The following ADAMTSL1 variants were observed in gnomAD, a reference collection of about 807,000 sequenced individuals.
ADAMTSL1 encodes ADAMTS-like protein 1.
In ADAMTSL1, 126 loss-of-function variants were observed where a neutral mutation model predicts 201.8. That is an observed-to-expected ratio of 0.62 (90% CI 0.54 to 0.72). The LOEUF (loss-of-function observed/expected upper bound fraction) is 0.72, where lower values mean the gene tolerates loss of function less well. Ranked by LOEUF, ADAMTSL1 falls within the 30% of genes least tolerant of loss-of-function variation. ADAMTSL1 has a pLI of 0.00. For missense variants in ADAMTSL1, 2,679 were observed against 2,277.8 expected, an observed-to-expected ratio of 1.18 and a Z score of -3.59; for synonymous variants, 1,121 against 903.4, an observed-to-expected ratio of 1.24 and a Z score of -4.32.
chr9:18,080,784 T>A (rs1823464990), intron 1 of ADAMTSL1, among the ~76,000 whole-genome samples: 1 of 152,250 alleles, frequency 6.6e-6, no homozygotes, highest in Non-Finnish European at 1.5e-5. Flanking sequence ...ATTTTCTGGT[T>A]CTAAGTCATT....
intron 23 of ADAMTSL1, among the ~76,000 whole-genome samples, chr9:18,867,738 C>T (rs1185132954): frequency 3.9e-5 from 6 of 151,980 alleles, no homozygotes; most frequent in Admixed American, 1.3e-4. Flanking sequence ...GCAATTCTCC[C>T]GCCTCAGCCT....
In ADAMTSL1 at chr9:18,252,946, C is replaced by T. The variant is rs78945091; in HGVS notation, c.207+88965C>T. On this transcript the variant is annotated intron_variant, in intron 2 of 29. Coordinates refer to the ADAMTSL1 transcript ENST00000680146. ...ATATGTTACACTATGTTTATTACCT[C>T]ATTATCTTCCAGTCCTTTAAACTGT... Among the ~76,000 whole-genome samples the T allele has an allele frequency of 7.9e-5, 12 of 152,294 alleles. No homozygotes were observed. In the East Asian group the frequency reaches 2.1e-3, roughly 27 times the overall value.
chr9:18,219,320 T>G (rs1456685758), intron 2 of ADAMTSL1, among the ~76,000 whole-genome samples: 7 of 151,300 alleles, frequency 4.6e-5, no homozygotes, highest in Admixed American at 2.6e-4. Flanking sequence ...TACCTATGAA[T>G]CCAATATATA....
At chr9:18,528,969 C>T (rs1042018992) in intron 2 of ADAMTSL1, among the ~76,000 whole-genome samples, 16 of 151,980 alleles carry the variant, frequency 1.1e-4, no homozygotes, top group African/African-American at 3.9e-4. Context: ...TTTATATTAA[C>T]GACCTGTTAA....
At chr9:17,934,105 T>G (rs889386778) in intron 1 of ADAMTSL1, among the ~76,000 whole-genome samples, 1 of 152,122 alleles carries the variant, frequency 6.6e-6, no homozygotes, top group African/African-American at 2.4e-5. Flanking sequence ...TACATGTTGT[T>G]TGGGACTGAG....
At chr9:18,769,894 G>A (rs1336550598) in intron 16 of ADAMTSL1, among the ~76,000 whole-genome samples, 2 of 152,338 alleles carry the variant, frequency 1.3e-5, no homozygotes, top group East Asian at 3.9e-4. Context: ...ATAGCCAACA[G>A]TCTGTGCTTC....
intron 23 of ADAMTSL1, among the ~76,000 whole-genome samples, chr9:18,853,555 AT>A (rs1328291237): frequency 6.6e-6 from 1 of 152,208 alleles, no homozygotes; most frequent in Non-Finnish European, 1.5e-5. Flanking sequence ...CCTTAGGAGA[AT>A]TCAGGCTCCT....
chr9:18,247,343 A>G (rs184592277), intron 2 of ADAMTSL1, among the ~76,000 whole-genome samples: 1 of 152,324 alleles, frequency 6.6e-6, no homozygotes, highest in East Asian at 1.9e-4. Context: ...TTATATTTTG[A>G]AGAAAGAATA....
intron 23 of ADAMTSL1, among the ~76,000 whole-genome samples, chr9:18,870,967 A>G (rs1210185708): frequency 1.3e-5 from 2 of 151,702 alleles, no homozygotes; most frequent in African/African-American, 4.8e-5. Context: ...TTGTTACTCA[A>G]CCTCTTTTCT....
chr9:18,242,389 C>G (rs1008862421), intron 2 of ADAMTSL1, among the ~76,000 whole-genome samples: 2 of 152,074 alleles, frequency 1.3e-5, no homozygotes, highest in South Asian at 2.1e-4. Flanking sequence ...TTTGGAAAAA[C>G]TCACCGCTAA....
intron 1 of ADAMTSL1, among the ~76,000 whole-genome samples, chr9:18,049,737 C>T (rs1821843729): frequency 6.6e-6 from 1 of 152,172 alleles, no homozygotes; most frequent in South Asian, 2.1e-4. Flanking sequence ...CATTCTCCCG[C>T]CTCAGCCTCC....
chr9:18,150,121 A>C (rs1826843254), intron 1 of ADAMTSL1, among the ~76,000 whole-genome samples: 1 of 152,096 alleles, frequency 6.6e-6, no homozygotes, highest in South Asian at 2.1e-4. Flanking sequence ...TGGAATTTGA[A>C]ATAAAGGTAC....
intron 13 of ADAMTSL1, among the ~76,000 whole-genome samples, chr9:18,686,799 A>G (rs1324480559): frequency 1.3e-5 from 2 of 152,326 alleles, no homozygotes; most frequent in African/African-American, 2.4e-5. Context: ...GATGAAAGCT[A>G]TCAGTGGAGT....
chr9:17,989,857 C>A (rs1819080114), intron 1 of ADAMTSL1, among the ~76,000 whole-genome samples: 2 of 148,262 alleles, frequency 1.3e-5, no homozygotes, highest in South Asian at 4.3e-4. Flanking sequence ...AAAGAAAGGT[C>A]TTCTAAGTCT....
At position 18,681,830 on chromosome 9, in the gene ADAMTSL1, C is replaced by G; in HGVS notation, c.1360C>G (p.Gln454Glu). 1 of 1,613,074 alleles carries G rather than the reference C, an allele frequency of 6.2e-7. No individual in the cohort carries two copies. Among genetic ancestry groups the G allele is most frequent in the Non-Finnish European group, 8.5e-7 (1 of 1,179,368 alleles). ...TTTCCAGTGCACAGTGACATGTGGCCAGGGCCTCAGATACCGTGTGGTCCT... is the reference window on the plus strand; with the variant it reads ...TTTCCAGTGCACAGTGACATGTGGCGAGGGCCTCAGATACCGTGTGGTCCT... Reference protein sequence around the residue: ...EWSPCTVTCGQGLRYRVVLCI... With the variant: ...EWSPCTVTCGEGLRYRVVLCI... The change falls in exon 12 of 29, where the codon CAG (glutamine) becomes GAG (glutamate). Residue 454 changes from glutamine to glutamate, a missense_variant. Gln to Glu is a conservative substitution (Grantham distance 29). Coordinates refer to ENST00000380548, the MANE Select transcript of ADAMTSL1 (RefSeq NM_001040272.6).
At chr9:18,314,058 A>G (rs2132810411) in intron 2 of ADAMTSL1, among the ~76,000 whole-genome samples, 1 of 152,268 alleles carries the variant, frequency 6.6e-6, no homozygotes, top group Non-Finnish European at 1.5e-5. Context: ...CAACGTAAAA[A>G]CGCCAACAGG....
chr9:18,614,040 C>A lies in ADAMTSL1; in HGVS notation c.475-8203C>A, dbSNP rs1825552656. Reference sequence around the variant, plus strand: ...AGTGCCTGAGAAAGAGTGTTACAGCCAGAGGTAGCAACTCAGGGCTGTCCT... The same window carrying A: ...AGTGCCTGAGAAAGAGTGTTACAGCAAGAGGTAGCAACTCAGGGCTGTCCT... On this transcript the variant is annotated intron_variant, in intron 4 of 28. Transcript: ENST00000380548. 2.6e-5 allele frequency among the ~76,000 whole-genome samples: 4 copies of A among 152,206 alleles called. No homozygotes were observed. The South Asian group carries it at 8.3e-4, about 32-fold the overall frequency.
chr9:18,597,076 A>G (rs978978048), intron 4 of ADAMTSL1, among the ~76,000 whole-genome samples: 2 of 152,150 alleles, frequency 1.3e-5, no homozygotes, highest in East Asian at 1.9e-4. Context: ...TAGTTTCTTT[A>G]TATTATGTTG....
intron 2 of ADAMTSL1, among the ~76,000 whole-genome samples, chr9:18,406,247 A>C (rs1818187042): frequency 6.6e-6 from 1 of 150,996 alleles, no homozygotes; most frequent in Non-Finnish European, 1.5e-5. Context: ...TATGCTCATG[A>C]AAGTAAAAAT....
Sources: allele counts gnomAD v4.1 joint callset (sites outside exome capture counted in the v4.1 genomes callset), GRCh38; gene constraint gnomAD v4.1.1; transcripts MANE v1.5; gene names NCBI Gene and HGNC (gene_info 2026-07-23, HGNC 2026-07-21).